The following GABBR2 variants were observed in gnomAD, a reference collection of about 807,000 sequenced individuals.
The protein encoded by GABBR2 is gamma-aminobutyric acid type B receptor subunit 2, also known as G-protein coupled receptor 51.
A neutral mutation model predicts 105.6 loss-of-function variants in GABBR2; 23 were observed. The observed-to-expected ratio is 0.22, with a 90% CI of 0.16 to 0.31. The LOEUF (loss-of-function observed/expected upper bound fraction) is 0.31, where lower values mean the gene tolerates loss of function less well. Among genes scored for constraint, GABBR2 ranks in the 10% least tolerant of loss-of-function variants. The pLI, the probability that GABBR2 is intolerant of heterozygous loss-of-function variation, is 1.00. For missense variants in GABBR2, 734 were observed against 1,245.5 expected (o/e 0.59, Z 6.18); for synonymous variants, 478 against 499.7 (o/e 0.96, Z 0.58).
chr9:98,377,459 C>T (rs1212756403), intron 11 of GABBR2, among the ~76,000 whole-genome samples: 1 of 152,180 alleles, frequency 6.6e-6, no homozygotes, highest in Non-Finnish European at 1.5e-5. Flanking sequence ...CTGATTTGTC[C>T]CTTGCTTCTG....
intron 2 of GABBR2, among the ~76,000 whole-genome samples, chr9:98,572,783 T>A (rs1178062158): frequency 6.6e-6 from 1 of 152,102 alleles, no homozygotes; most frequent in Admixed American, 6.6e-5. Flanking sequence ...AGAAATCCAC[T>A]CTCTTGGGCT....
chr9:98,367,024 A>C (rs1831689202), intron 12 of GABBR2, among the ~76,000 whole-genome samples: 1 of 152,234 alleles, frequency 6.6e-6, no homozygotes, highest in African/African-American at 2.4e-5. Context: ...CTTTAGAAAA[A>C]AAGTAACATG....
intron 3 of GABBR2, among the ~76,000 whole-genome samples, chr9:98,527,358 A>G (rs1478960870): frequency 6.6e-6 from 1 of 152,050 alleles, no homozygotes; most frequent in Admixed American, 6.6e-5. Flanking sequence ...ACTATGCAGT[A>G]CCGCCTCAAT....
chr9:98,568,892 G>T (rs1315182463), intron 2 of GABBR2, among the ~76,000 whole-genome samples: 1 of 152,120 alleles, frequency 6.6e-6, no homozygotes, highest in African/African-American at 2.4e-5. Context: ...GACTGCACTG[G>T]GCATCTGATG....
At chr9:98,478,598 C>T (rs529842443) in intron 5 of GABBR2, among the ~76,000 whole-genome samples, 1 of 152,256 alleles carries the variant, frequency 6.6e-6, no homozygotes, top group South Asian at 2.1e-4. Flanking sequence ...ATGATGTCCC[C>T]GTACCATGTG....
At chr9:98,355,365 A>C (rs1831466558) in intron 13 of GABBR2, among the ~76,000 whole-genome samples, 1 of 152,198 alleles carries the variant, frequency 6.6e-6, no homozygotes. Context: ...AGGTTGCCAT[A>C]AATTTCAATT....
At chr9:98,555,307 T>G (rs1828566003) in intron 2 of GABBR2, among the ~76,000 whole-genome samples, 1 of 152,208 alleles carries the variant, frequency 6.6e-6, no homozygotes, top group Admixed American at 6.5e-5. Context: ...TTGCTCAAAC[T>G]CAAGTGGCTG....
chr9:98,623,470 C>T (rs1383639384), intron 1 of GABBR2, among the ~76,000 whole-genome samples: 3 of 152,134 alleles, frequency 2.0e-5, no homozygotes, highest in Non-Finnish European at 2.9e-5. Flanking sequence ...CATACAAAAA[C>T]GCATAATTGT....
chr9:98,399,660 G>T (rs554660915), intron 8 of GABBR2, among the ~76,000 whole-genome samples: 1 of 152,296 alleles, frequency 6.6e-6, no homozygotes, highest in South Asian at 2.1e-4. Flanking sequence ...TAATTGTTGA[G>T]AAACTTCAAA....
At chr9:98,594,952 A>G (rs1221097979) in intron 1 of GABBR2, among the ~76,000 whole-genome samples, 6 of 152,238 alleles carry the variant, frequency 3.9e-5, no homozygotes, top group Non-Finnish European at 8.8e-5. Context: ...CTTGGCAAAC[A>G]GGAGGAAACA....
At chr9:98,603,369 C>T (rs754893272) in intron 1 of GABBR2, among the ~76,000 whole-genome samples, 5 of 152,236 alleles carry the variant, frequency 3.3e-5, no homozygotes, top group Non-Finnish European at 7.3e-5. Flanking sequence ...AAGGTTCATT[C>T]ATGCTAGAGA....
intron 1 of GABBR2, among the ~76,000 whole-genome samples, chr9:98,639,896 G>A (rs1829936423): frequency 6.6e-6 from 1 of 152,016 alleles, no homozygotes; most frequent in African/African-American, 2.4e-5. Flanking sequence ...CCACCATTCC[G>A]ATTCCTCCTT....
At chr9:98,326,278 A>C (rs1045197130) in intron 13 of GABBR2, among the ~76,000 whole-genome samples, 1 of 152,194 alleles carries the variant, frequency 6.6e-6, no homozygotes, top group African/African-American at 2.4e-5. Context: ...CTCTAACTAT[A>C]ATTTAGCATT....
Position 98,371,556 on chromosome 9 carries a change from G to T in GABBR2, c.1678C>A (p.Leu560Ile). 3 of 1,606,258 alleles carry T rather than the reference G, an allele frequency of 1.9e-6. No individual in the cohort carries two copies. Among genetic ancestry groups the T allele is most frequent in the Non-Finnish European group, 2.6e-6 (3 of 1,172,948 alleles). Residue 560 changes from leucine (L) to isoleucine (I), a missense_variant, in exon 12 of 19, where the codon CTC (leucine) becomes ATC (isoleucine). Leu to Ile is a conservative substitution (Grantham distance 5, BLOSUM62 2). Coordinates refer to ENST00000259455, the MANE Select transcript of GABBR2 (RefSeq NM_005458.8). Reference sequence around the variant, plus strand: ...AAAGCGGTCGTGTAGCCCACGGTGAGAATCCAGGTCCTGACCTAGAGGCCA... The same window carrying T: ...AAAGCGGTCGTGTAGCCCACGGTGATAATCCAGGTCCTGACCTAGAGGCCA... ...ETLCTVRTWI[L>I]TVGYTTAFGA...
intron 1 of GABBR2, among the ~76,000 whole-genome samples, chr9:98,644,723 T>G (rs1830009276): frequency 6.6e-6 from 1 of 152,044 alleles, no homozygotes; most frequent in African/African-American, 2.4e-5. Context: ...CCACAGCTAC[T>G]CAGGAGGCTG....
At chr9:98,702,471 A>C (rs1473061162) in intron 1 of GABBR2, among the ~76,000 whole-genome samples, 1 of 152,100 alleles carries the variant, frequency 6.6e-6, no homozygotes, top group Non-Finnish European at 1.5e-5. Context: ...TCCAGCCTCT[A>C]CATGCTCACC....
At chr9:98,449,449 C>T (rs755216281) in intron 7 of GABBR2, among the ~76,000 whole-genome samples, 6 of 152,066 alleles carry the variant, frequency 3.9e-5, no homozygotes, top group African/African-American at 7.2e-5. Flanking sequence ...AAACCACAAA[C>T]GTGTGTGTGT....
rs186434907 is a variant in GABBR2, at chr9:98,369,769, T to G, written c.1770+1695A>C. On this transcript the variant is annotated intron_variant, in intron 12 of 18. Transcript: ENST00000259455. ...AGAGGAGGTGTTGGTAAACAGGTGATGCCCACATCAGGATTTGAAGAGTGT... is the reference window on the plus strand; with the variant it reads ...AGAGGAGGTGTTGGTAAACAGGTGAGGCCCACATCAGGATTTGAAGAGTGT... Among the ~76,000 whole-genome samples, 28 of 148,136 alleles carry G rather than the reference T, an allele frequency of 1.9e-4. No individual in the cohort carries two copies. In the East Asian group the frequency reaches 5.3e-3, roughly 28 times the overall value.
intron 9 of GABBR2, among the ~76,000 whole-genome samples, chr9:98,392,305 G>C (rs1306954578): frequency 6.6e-6 from 1 of 152,182 alleles, no homozygotes; most frequent in Non-Finnish European, 1.5e-5. Context: ...TTTGGCGCTT[G>C]AATCTTTTCT....
Sources: gnomAD v4.1 joint callset for allele counts (sites outside exome capture counted in the v4.1 genomes callset) on GRCh38, gnomAD v4.1.1 for gene constraint, MANE v1.5 for transcripts, NCBI Gene and HGNC (gene_info 2026-07-23, HGNC 2026-07-21) for gene names.